The following CCBE1 variants were observed in gnomAD, a reference collection of about 807,000 sequenced individuals.
CCBE1 encodes the protein collagen and calcium binding EGF domains 1.
In CCBE1, 37 loss-of-function variants were observed where a neutral mutation model predicts 50.0. That is an observed-to-expected ratio of 0.74 (90% CI 0.57 to 0.97). The LOEUF (loss-of-function observed/expected upper bound fraction) is 0.97. Among genes scored for constraint, CCBE1 ranks in the 50% least tolerant of loss-of-function variants. The probability of loss-of-function intolerance (pLI) is 0.00; values close to 1 mark genes in which losing one functional copy is unlikely to be tolerated. For synonymous variants in CCBE1, 234 were observed against 203.7 expected, an observed-to-expected ratio of 1.15 and a Z score of -1.27; for missense variants, 538 against 523.8, an observed-to-expected ratio of 1.03 and a Z score of -0.26.
intron 2 of CCBE1, among the ~76,000 whole-genome samples, chr18:59,657,242 GAGA>G (rs1479436655): frequency 2.6e-5 from 4 of 152,242 alleles, no homozygotes; most frequent in Admixed American, 1.3e-4. Flanking sequence ...TGCGAGGGTA[GAGA>G]AGAAGGTGTC....
chr18:59,668,701 A>C (rs2054389855), intron 2 of CCBE1, among the ~76,000 whole-genome samples: 3 of 152,000 alleles, frequency 2.0e-5, no homozygotes, highest in African/African-American at 7.2e-5. Flanking sequence ...CCCTAGGATA[A>C]ATTTCTAGAC....
chr18:59,507,321 T>G (rs918263373), intron 2 of CCBE1, among the ~76,000 whole-genome samples: 1 of 152,200 alleles, frequency 6.6e-6, no homozygotes, highest in African/African-American at 2.4e-5. Flanking sequence ...CAACTGCCAC[T>G]ACCTGTGTCG....
At chr18:59,436,747 T>C (rs927173006) in intron 10 of CCBE1, among the ~76,000 whole-genome samples, 5 of 152,200 alleles carry the variant, frequency 3.3e-5, no homozygotes, top group African/African-American at 1.2e-4. Flanking sequence ...GGTGGATGGA[T>C]AGCTTGAGCC....
At chr18:59,570,694 A>T (rs2052898687) in intron 2 of CCBE1, among the ~76,000 whole-genome samples, 1 of 151,778 alleles carries the variant, frequency 6.6e-6, no homozygotes, top group Admixed American at 6.6e-5. Context: ...GTGGGGCAGG[A>T]CCTCCCAAGG....
At chr18:59,663,272 A>T (rs1330648164) in intron 2 of CCBE1, among the ~76,000 whole-genome samples, 1 of 152,162 alleles carries the variant, frequency 6.6e-6, no homozygotes, top group African/African-American at 2.4e-5. Context: ...GTGGTTGTGA[A>T]AAATGCACAA....
chr18:59,528,558 G>A (rs1287413875), intron 2 of CCBE1, among the ~76,000 whole-genome samples: 1 of 152,122 alleles, frequency 6.6e-6, no homozygotes, highest in African/African-American at 2.4e-5. Context: ...CTGGATTTTT[G>A]TTTTCAGCGT....
intron 2 of CCBE1, chr18:59,696,362 A>G: frequency 2.6e-6 from 2 of 772,654 alleles, no homozygotes; most frequent in Non-Finnish European, 3.8e-6. Flanking sequence ...TCCTTCACAG[A>G]CTTCCACACA....
intron 2 of CCBE1, among the ~76,000 whole-genome samples, chr18:59,664,762 G>A (rs1387855861): frequency 6.6e-6 from 1 of 152,164 alleles, no homozygotes; most frequent in East Asian, 1.9e-4. Context: ...CAGGGCAAGA[G>A]ATAAGCTGAG....
In CCBE1 at chr18:59,509,157, C is replaced by T. The variant is rs140115847; in HGVS notation, c.213-28919G>A. The stretch of plus-strand genomic sequence containing the variant: ...TTCTGTGGTCCTCAAACTCTAATGT[C>T]CTCGACAGACAGACTGAGAAACTGG... On this transcript the variant is annotated intron_variant, in intron 2 of 10. Coordinates refer to ENST00000439986, the MANE Select transcript of CCBE1 (RefSeq NM_133459.4). Among the ~76,000 whole-genome samples, 20 of 152,246 alleles carry T rather than the reference C, an allele frequency of 1.3e-4. No individual in the cohort carries two copies. The East Asian group carries it at 2.7e-3, about 21-fold the overall frequency.
intron 2 of CCBE1, among the ~76,000 whole-genome samples, chr18:59,514,814 A>T (rs938362564): frequency 3.3e-5 from 5 of 151,970 alleles, no homozygotes; most frequent in Non-Finnish European, 7.4e-5. Context: ...ACACATTTTA[A>T]GTTTTTTTTT....
At chr18:59,464,509 C>A (rs950448992) in intron 5 of CCBE1, among the ~76,000 whole-genome samples, 5 of 152,210 alleles carry the variant, frequency 3.3e-5, no homozygotes, top group African/African-American at 1.2e-4. Context: ...TCGACAAGCC[C>A]GTTTCCTCTG....
At chr18:59,580,691 A>T (rs148981352) in intron 2 of CCBE1, among the ~76,000 whole-genome samples, 101 of 152,284 alleles carry the variant, frequency 6.6e-4, no homozygotes, top group African/African-American at 2.4e-3. Flanking sequence ...AGGGTGGGGG[A>T]TCCTGACCCA....
At chr18:59,441,373 G>A (rs1447407254) in intron 7 of CCBE1, among the ~76,000 whole-genome samples, 1 of 151,960 alleles carries the variant, frequency 6.6e-6, no homozygotes, top group Admixed American at 6.6e-5. Context: ...AGTCAGGTGT[G>A]GTGGTGGGTA....
intron 2 of CCBE1, among the ~76,000 whole-genome samples, chr18:59,537,887 C>G (rs1568193806): frequency 6.6e-6 from 1 of 152,148 alleles, no homozygotes; most frequent in Non-Finnish European, 1.5e-5. Flanking sequence ...ATGTCACTTT[C>G]CTGTTTGTAA....
At chr18:59,568,583 G>A (rs1331794271) in intron 2 of CCBE1, 2 of 152,178 alleles carry the variant, frequency 1.3e-5, no homozygotes, top group African/African-American at 4.8e-5. Flanking sequence ...GGGAGAAGAT[G>A]GCTAAACTGA....
At chr18:59,585,998 G>A (rs149663549) in intron 2 of CCBE1, among the ~76,000 whole-genome samples, 20 of 152,278 alleles carry the variant, frequency 1.3e-4, no homozygotes, top group African/African-American at 4.3e-4. Context: ...CAAAATGGAG[G>A]AAAATCTTTC....
intron 2 of CCBE1, among the ~76,000 whole-genome samples, chr18:59,638,018 GA>G (rs1404222649): frequency 6.6e-6 from 1 of 152,090 alleles, no homozygotes; most frequent in Non-Finnish European, 1.5e-5. Context: ...CAAAACCAAA[GA>G]CACCATGAGA....
At chr18:59,557,318 G>A (rs2052668662) in intron 2 of CCBE1, among the ~76,000 whole-genome samples, 1 of 152,128 alleles carries the variant, frequency 6.6e-6, no homozygotes. Context: ...CTGATTTGAG[G>A]GTCGGCACCC....
chr18:59,624,093 C>A (rs971423040), intron 2 of CCBE1, among the ~76,000 whole-genome samples: 11 of 152,162 alleles, frequency 7.2e-5, no homozygotes, highest in Non-Finnish European at 1.6e-4. Context: ...CTGAGGTCAC[C>A]AGAAATGCAA....
Sources: gnomAD v4.1 joint callset for allele counts (sites outside exome capture counted in the v4.1 genomes callset) on GRCh38, gnomAD v4.1.1 for gene constraint, MANE v1.5 for transcripts, NCBI Gene and HGNC (gene_info 2026-07-23, HGNC 2026-07-21) for gene names.